The following DLGAP2 variants were observed in gnomAD, a reference collection of about 807,000 sequenced individuals.
DLGAP2 encodes disks large-associated protein 2.
In DLGAP2, 26 loss-of-function variants were observed where a neutral mutation model predicts 100.3. The observed-to-expected ratio is 0.26, with a 90% CI of 0.19 to 0.36. DLGAP2 has a LOEUF of 0.36. Ranked by LOEUF, DLGAP2 falls within the 10% of genes least tolerant of loss-of-function variation. The pLI is 1.00. For synonymous variants in DLGAP2, 886 were observed against 630.1 expected (o/e 1.41, Z -6.08); for missense variants, 1,858 against 1,453.2 (o/e 1.28, Z -4.53).
intron 2 of DLGAP2, among the ~76,000 whole-genome samples, chr8:965,592 C>CACCGCA (rs1799841781): frequency 7.0e-6 from 1 of 143,450 alleles, no homozygotes; most frequent in African/African-American, 2.7e-5. Flanking sequence ...CACTGTTCAC[C>CACCGCA]TCACACGGCT....
At chr8:1,593,486 A>G (rs1320338442) in intron 6 of DLGAP2, among the ~76,000 whole-genome samples, 1 of 151,940 alleles carries the variant, frequency 6.6e-6, no homozygotes, top group Non-Finnish European at 1.5e-5. Flanking sequence ...ATAAAAATAA[A>G]TAAATAAATA....
At chr8:1,277,614 G>A (rs1394384221) in intron 3 of DLGAP2, among the ~76,000 whole-genome samples, 1 of 152,196 alleles carries the variant, frequency 6.6e-6, no homozygotes, top group Non-Finnish European at 1.5e-5. Flanking sequence ...CAGCATCGGA[G>A]TATCGAAGTA....
chr8:1,156,375 T>C (rs996419827), intron 2 of DLGAP2, among the ~76,000 whole-genome samples: 2 of 152,122 alleles, frequency 1.3e-5, no homozygotes, highest in Non-Finnish European at 2.9e-5. Context: ...GGCGGTGGCC[T>C]CACTCTGGAC....
At chr8:1,392,165 A>G (rs1796375400) in intron 3 of DLGAP2, among the ~76,000 whole-genome samples, 1 of 152,232 alleles carries the variant, frequency 6.6e-6, no homozygotes, top group African/African-American at 2.4e-5. Flanking sequence ...CTAGAAAACA[A>G]GACCCCTGAG....
At chr8:788,495 C>G (rs766532436) in intron 1 of DLGAP2, among the ~76,000 whole-genome samples, 7 of 152,210 alleles carry the variant, frequency 4.6e-5, no homozygotes, top group Non-Finnish European at 8.8e-5. Context: ...AAGTTTGGCA[C>G]CATCCCAGGT....
At chr8:928,057 G>A (rs984873390) in intron 2 of DLGAP2, among the ~76,000 whole-genome samples, 9 of 152,172 alleles carry the variant, frequency 5.9e-5, no homozygotes, top group African/African-American at 2.2e-4. Flanking sequence ...AGAGTTCCCT[G>A]CCCAGGGCTG....
intron 4 of DLGAP2, among the ~76,000 whole-genome samples, chr8:1,511,091 C>T (rs567757721): frequency 2.7e-4 from 41 of 152,392 alleles, no homozygotes; most frequent in African/African-American, 9.9e-4. Context: ...TCGTCATTTT[C>T]ACCACACTGT....
Position 1,032,586 on chromosome 8 carries a change from G to T in DLGAP2, c.73+124620G>T, listed in dbSNP as rs115390219. On this transcript the variant is annotated intron_variant, in intron 2 of 14. Coordinates refer to ENST00000637795, the MANE Select transcript of DLGAP2 (RefSeq NM_001346810.2). The stretch of plus-strand genomic sequence containing the variant: ...TTTTCTGGTCTGTTTTTCTTTTTAG[G>T]TCTGCTGTGTGCCAAAATATTTTAC... 279 of 152,224 alleles carry T rather than the reference G, an allele frequency of 1.8e-3. 1 individual carries two copies. The highest frequency in any genetic ancestry group is 6.3e-3 in the African/African-American group (262 of 41,534). 9.4% of individuals were successfully genotyped at this position (152,224 alleles called of 1,614,324 possible).
chr8:801,701 C>G (rs1233990080), intron 1 of DLGAP2, among the ~76,000 whole-genome samples: 2 of 152,144 alleles, frequency 1.3e-5, no homozygotes, highest in Non-Finnish European at 1.5e-5. Flanking sequence ...CCTTAGCCCA[C>G]TGTGCCTTCC....
At chr8:780,748 G>A (rs943578379) in intron 1 of DLGAP2, among the ~76,000 whole-genome samples, 1 of 152,186 alleles carries the variant, frequency 6.6e-6, no homozygotes, top group Non-Finnish European at 1.5e-5. Flanking sequence ...AACCAGAGTC[G>A]CCGTGTCTGG....
chr8:1,478,333 A>G (rs1468415), intron 3 of DLGAP2, among the ~76,000 whole-genome samples: 83,611 of 152,016 alleles, frequency 0.55, 24,456 homozygotes, highest in Admixed American at 0.67. Flanking sequence ...ATGAAGGAAC[A>G]TGAGCACCCC....
intron 1 of DLGAP2, among the ~76,000 whole-genome samples, chr8:890,794 A>C (rs1798019167): frequency 6.6e-6 from 1 of 151,788 alleles, no homozygotes; most frequent in Non-Finnish European, 1.5e-5. Context: ...TGTCCTTTGC[A>C]AACCTCCCCT....
chr8:1,678,735 G>A (rs1798872569), intron 12 of DLGAP2, 106 bp downstream of exon 12: 1 of 1,243,438 alleles, frequency 8.0e-7, no homozygotes, highest in East Asian at 2.7e-5. Flanking sequence ...TGGTATTCAA[G>A]TGAAGGGAAA....
At chr8:1,044,045 G>T (rs1031925135) in intron 2 of DLGAP2, among the ~76,000 whole-genome samples, 2 of 152,088 alleles carry the variant, frequency 1.3e-5, no homozygotes, top group African/African-American at 4.8e-5. Context: ...AGCAGTGACT[G>T]CCCTGCCACG....
chr8:1,068,811 G>T (rs564736361), intron 2 of DLGAP2, among the ~76,000 whole-genome samples: 5 of 152,250 alleles, frequency 3.3e-5, no homozygotes, highest in African/African-American at 1.2e-4. Context: ...GGGAGACCTC[G>T]TGGGGGCTTT....
At chr8:1,615,171 G>C (rs139278550) in intron 6 of DLGAP2, among the ~76,000 whole-genome samples, 120 of 152,288 alleles carry the variant, frequency 7.9e-4, no homozygotes, top group African/African-American at 2.9e-3. Context: ...CCCTGAAAAA[G>C]TTTAGTTTCC....
chr8:787,310 T>A (rs1006475843), intron 1 of DLGAP2, among the ~76,000 whole-genome samples: 8 of 152,216 alleles, frequency 5.3e-5, no homozygotes, highest in African/African-American at 1.9e-4. Context: ...ATGGTGATAC[T>A]GACGTTCTGT....
intron 3 of DLGAP2, among the ~76,000 whole-genome samples, chr8:1,488,879 G>A (rs1168045961): frequency 6.6e-6 from 1 of 152,154 alleles, no homozygotes; most frequent in African/African-American, 2.4e-5. Flanking sequence ...GGGCATCAAA[G>A]GGGACCTGGA....
chr8:1,415,050 C>A (rs1317516439), intron 3 of DLGAP2, among the ~76,000 whole-genome samples: 1 of 152,142 alleles, frequency 6.6e-6, no homozygotes, highest in Non-Finnish European at 1.5e-5. Context: ...CATTTTGATC[C>A]CTGTATTATA....
Sources: allele counts gnomAD v4.1 joint callset (sites outside exome capture counted in the v4.1 genomes callset), GRCh38; gene constraint gnomAD v4.1.1; transcripts MANE v1.5; gene names NCBI Gene and HGNC (gene_info 2026-07-23, HGNC 2026-07-21).